CWC15: variants seen among roughly 807,000 people sequenced by gnomAD.
CWC15 encodes CWC15 spliceosome associated protein.
In CWC15, 12 loss-of-function variants were observed where a neutral mutation model predicts 28.4. The observed-to-expected ratio is 0.42, with a 90% CI of 0.27 to 0.69. The LOEUF is 0.69. CWC15 is among the 30% of genes least tolerant of loss of function. The pLI is 0.23. For missense variants in CWC15, 192 were observed against 271.5 expected (o/e 0.71, Z 2.06); for synonymous variants, 92 against 88.4 (o/e 1.04, Z -0.23).
At chr11:94,966,574 C>A (rs1857647980) in intron 5 of CWC15, among the ~76,000 whole-genome samples, 161 bp from the exon 6 acceptor site, 3 of 127,334 alleles carry the variant, frequency 2.4e-5, no homozygotes, top group Non-Finnish European at 3.2e-5. Flanking sequence ...GTTTTTGAGG[C>A]ATACTAGAAA....
At chr11:94,967,156 C>T (rs1857657991) in intron 5 of CWC15, among the ~76,000 whole-genome samples, 1 of 151,800 alleles carries the variant, frequency 6.6e-6, no homozygotes, top group African/African-American at 2.4e-5. Flanking sequence ...AGTGATTCTC[C>T]TGCCTCAGCC....
At position 94,963,189 on chromosome 11, in the gene CWC15, T is replaced by C. The variant is rs1018106621; in HGVS notation, c.*196A>G. 1.9e-5 allele frequency: 7 copies of C among 371,400 alleles called. No homozygotes were observed. The highest frequency in any genetic ancestry group is 1.1e-4 in the South Asian group (1 of 9,436). 23.0% of individuals were successfully genotyped at this position (371,400 alleles called of 1,614,324 possible). A position where few individuals can be genotyped will look rare whatever the true frequency, so the allele number is the denominator to read the frequency against. ...CAGGAAAACATATCACTGGAAACAT[T>C]TGGAGAATGCAAACTGGGTTAAACC... On this transcript the variant is annotated 3_prime_UTR_variant, in exon 7 of 7. Coordinates refer to ENST00000279839, the MANE Select transcript of CWC15 (RefSeq NM_016403.4).
intron 6 of CWC15, 53 bp downstream of exon 6, chr11:94,966,224 TATACACACACACACACAC>T: frequency 2.7e-6 from 2 of 734,116 alleles, no homozygotes; most frequent in South Asian, 1.8e-5. Flanking sequence ...CACATACACA[TATACACACACACACACAC>T]ACACACACAC....
chr11:94,968,841 A>T (rs1184177571), intron 5 of CWC15, among the ~76,000 whole-genome samples: 4 of 152,110 alleles, frequency 2.6e-5, no homozygotes, highest in South Asian at 2.1e-4. Flanking sequence ...ATATTTTCTT[A>T]CTTTCTTTTT....
In CWC15 at chr11:94,966,335, C is replaced by A. The variant is rs1555095271; in HGVS notation, c.520G>T (p.Gly174Cys). ...AAGTTGGCCTGAGGCTGGGATGGGCCAGTGAGATTAAGGAGAGGGTTTCCG... is the reference window on the plus strand; with the variant it reads ...AAGTTGGCCTGAGGCTGGGATGGGCAAGTGAGATTAAGGAGAGGGTTTCCG... ...LSGNPLLNLT[G>C]PSQPQANFKV... The change falls in exon 6 of 7, where the codon GGC becomes TGC. Residue 174 changes from glycine (G) to cysteine (C), a missense_variant. By Grantham distance (159) the Gly-to-Cys change is radical (BLOSUM62 -3). This residue lies in a region of CWC15 where 188 missense variants were observed against 250.3 expected (regional missense o/e 0.75). Coordinates refer to ENST00000279839, the MANE Select transcript of CWC15 (RefSeq NM_016403.4). 6.4e-7 allele frequency: 1 copy of A among 1,559,320 alleles called. No individual in the cohort carries two copies. The highest frequency in any genetic ancestry group is 8.7e-7 in the Non-Finnish European group (1 of 1,150,364).
chr11:94,967,953 G>T (rs1857668372), intron 5 of CWC15, among the ~76,000 whole-genome samples: 1 of 152,128 alleles, frequency 6.6e-6, no homozygotes, highest in Non-Finnish European at 1.5e-5. Flanking sequence ...ACATATAAAG[G>T]TTATGGACAT....
chr11:94,965,889 C>A (rs1377025933), intron 6 of CWC15, among the ~76,000 whole-genome samples: 2 of 152,050 alleles, frequency 1.3e-5, no homozygotes, highest in African/African-American at 4.8e-5. Context: ...TTACCTTAGC[C>A]AAGCATATTA....
chr11:94,968,580 G>A (rs1479259455), intron 5 of CWC15, among the ~76,000 whole-genome samples: 1 of 152,106 alleles, frequency 6.6e-6, no homozygotes, highest in Non-Finnish European at 1.5e-5. Flanking sequence ...TATGCAAGTG[G>A]GACTGGGAAT....
Position 94,962,944 on chromosome 11 carries a change from T to A in CWC15, c.*441A>T, listed in dbSNP as rs2134096653. 1 of 152,666 alleles carries A rather than the reference T, an allele frequency of 6.6e-6. No individual in the cohort carries two copies. The highest frequency in any genetic ancestry group is 1.5e-5 in the Non-Finnish European group (1 of 68,370). The allele number at this position is 152,666 out of a possible 1,614,324, so 9.5% of individuals were successfully genotyped here. On this transcript the variant is annotated 3_prime_UTR_variant, in exon 7 of 7. Transcript: ENST00000279839. Reference sequence around the variant, plus strand: ...CCTCTCATCTTCCATTACACTCTTTTAAAAAATGCAGAGAAAATATGAATT... The same window carrying A: ...CCTCTCATCTTCCATTACACTCTTTAAAAAAATGCAGAGAAAATATGAATT...
intron 1 of CWC15, among the ~76,000 whole-genome samples, chr11:94,972,578 G>A (rs1486914989): frequency 6.6e-6 from 1 of 152,166 alleles, no homozygotes; most frequent in African/African-American, 2.4e-5. Context: ...TGCCATGACT[G>A]AGTTTTAAAA....
intron 5 of CWC15, among the ~76,000 whole-genome samples, chr11:94,969,116 A>G (rs1003967016): frequency 2.6e-5 from 4 of 152,142 alleles, no homozygotes; most frequent in Non-Finnish European, 4.4e-5. Context: ...ATCAGTCACT[A>G]TCTGTCAACT....
intron 5 of CWC15, among the ~76,000 whole-genome samples, chr11:94,967,851 A>G (rs1555095554): frequency 6.6e-6 from 1 of 152,246 alleles, no homozygotes. Context: ...GTAACAAATT[A>G]TACCGATGCT....
At chr11:94,964,495 G>A (rs1555094932) in intron 6 of CWC15, among the ~76,000 whole-genome samples, 2 of 152,080 alleles carry the variant, frequency 1.3e-5, no homozygotes. Context: ...ATTCAAAAAA[G>A]GCAAAAGAAC....
chr11:94,963,194 G>A lies in CWC15; in HGVS notation c.*191C>T. The A allele has an allele frequency of 5.3e-6, 2 of 378,020 alleles. No homozygotes were observed. The highest frequency in any genetic ancestry group is 9.3e-6 in the Non-Finnish European group (2 of 215,046). 23.4% of individuals were successfully genotyped at this position (378,020 alleles called of 1,614,324 possible). ...AAACATATCACTGGAAACATTTGGA[G>A]AATGCAAACTGGGTTAAACCTATTC... On this transcript the variant is annotated 3_prime_UTR_variant, in exon 7 of 7. Transcript: ENST00000279839.
chr11:94,965,974 G>A (rs967450143), intron 6 of CWC15, among the ~76,000 whole-genome samples: 5 of 152,066 alleles, frequency 3.3e-5, no homozygotes, highest in Non-Finnish European at 5.9e-5. Flanking sequence ...CCCTTGATAT[G>A]CACACCTAAA....
intron 6 of CWC15, among the ~76,000 whole-genome samples, chr11:94,964,192 G>T (rs1555094863): frequency 6.6e-6 from 1 of 152,018 alleles, no homozygotes. Context: ...CATGATTTCA[G>T]AATATCACCT....
chr11:94,971,515 A>T, intron 2 of CWC15, 28 bp from the exon 3 acceptor site: 3 of 1,361,334 alleles, frequency 2.2e-6, no homozygotes, highest in Non-Finnish European at 3.1e-6. Context: ...CAGGGCAAAA[A>T]TGTTACTTAA....
intron 1 of CWC15, among the ~76,000 whole-genome samples, chr11:94,973,052 G>C (rs1256567242): frequency 1.5e-4 from 22 of 151,632 alleles, no homozygotes; most frequent in Non-Finnish European, 2.7e-4. Flanking sequence ...TTTTTTGGGG[G>C]GGGGGCGATG....
chr11:94,973,047 T>TGGGGGG (rs149342141), intron 1 of CWC15, among the ~76,000 whole-genome samples: 3 of 103,228 alleles, frequency 2.9e-5, no homozygotes, highest in African/African-American at 1.2e-4. Context: ...GAGGATTTTT[T>TGGGGGG]GGGGGGGGGG....
Sources: gnomAD v4.1 joint callset for allele counts (sites outside exome capture counted in the v4.1 genomes callset) on GRCh38, gnomAD v4.1.1 for gene constraint, gnomAD v4.1.1 regional missense constraint, MANE v1.5 for transcripts, NCBI Gene and HGNC (gene_info 2026-07-23, HGNC 2026-07-21) for gene names.